ENOX1: variants seen among roughly 807,000 people sequenced by gnomAD.
The protein encoded by ENOX1 is candidate growth-related and time keeping constitutive hydroquinone (NADH) oxidase.
Under a neutral mutation model 82.5 loss-of-function variants are expected in ENOX1, and 42 were observed. The ratio of observed to expected loss-of-function variants is 0.51; its 90% confidence interval spans 0.40 to 0.66. The LOEUF is 0.66. ENOX1 is among the 30% of genes least tolerant of loss of function. ENOX1 has a pLI of 0.00. For synonymous variants in ENOX1, 271 were observed against 282.2 expected (o/e 0.96, Z 0.40); for missense variants, 608 against 811.6 (o/e 0.75, Z 3.05).
chr13:43,651,814 A>C (rs1272362513), intron 2 of ENOX1, among the ~76,000 whole-genome samples: 1 of 151,926 alleles, frequency 6.6e-6, no homozygotes, highest in Non-Finnish European at 1.5e-5. Context: ...ATCTCTACTA[A>C]AAATACAAAA....
intron 5 of ENOX1, among the ~76,000 whole-genome samples, chr13:43,392,764 T>C (rs2052873084): frequency 6.6e-6 from 1 of 152,244 alleles, no homozygotes; most frequent in African/African-American, 2.4e-5. Context: ...CAATATTTTC[T>C]ATATATTTTG....
intron 11 of ENOX1, among the ~76,000 whole-genome samples, chr13:43,300,915 A>T (rs966933080): frequency 1.3e-5 from 2 of 150,538 alleles, no homozygotes; most frequent in Non-Finnish European, 2.9e-5. Context: ...CATAACCCGC[A>T]GCATGAGCCA....
intron 2 of ENOX1, among the ~76,000 whole-genome samples, chr13:43,503,730 G>T (rs1246138278): frequency 2.6e-5 from 4 of 151,590 alleles, no homozygotes; most frequent in African/African-American, 9.7e-5. Context: ...GACTTAAATG[G>T]AAGACCCGAA....
At chr13:43,503,581 A>C (rs77688904) in intron 2 of ENOX1, among the ~76,000 whole-genome samples, 2,071 of 151,816 alleles carry the variant, frequency 0.014, 39 homozygotes, top group African/African-American at 0.046. Context: ...AAACCCAGGC[A>C]TGTAAGATCC....
intron 2 of ENOX1, among the ~76,000 whole-genome samples, chr13:43,510,820 T>A (rs749026200): frequency 6.6e-6 from 1 of 152,080 alleles, no homozygotes; most frequent in African/African-American, 2.4e-5. Flanking sequence ...GCCTAACTTA[T>A]AGGGTTGTGA....
chr13:43,556,724 CAA>C (rs747308301), intron 2 of ENOX1, among the ~76,000 whole-genome samples: 27 of 117,470 alleles, frequency 2.3e-4, no homozygotes, highest in African/African-American at 4.8e-4. Flanking sequence ...GTTCTATTCT[CAA>C]AAAAAAAAAA....
chr13:43,772,055 A>C (rs1951663272), intron 1 of ENOX1, among the ~76,000 whole-genome samples: 1 of 147,678 alleles, frequency 6.8e-6, no homozygotes, highest in Admixed American at 7.0e-5. Context: ...AAGTGCTGGG[A>C]TTACAGCATT....
intron 2 of ENOX1, among the ~76,000 whole-genome samples, chr13:43,576,462 A>G (rs974279951): frequency 3.3e-5 from 5 of 152,206 alleles, no homozygotes; most frequent in Non-Finnish European, 7.3e-5. Context: ...CAGACCTGTG[A>G]TGAGCAATAT....
intron 5 of ENOX1, among the ~76,000 whole-genome samples, chr13:43,370,896 C>G (rs1395217870): frequency 9.2e-6 from 1 of 108,322 alleles, no homozygotes; most frequent in Non-Finnish European, 2.5e-5. Flanking sequence ...CTTCTATATC[C>G]CCCCTGTCCC....
intron 1 of ENOX1, among the ~76,000 whole-genome samples, chr13:43,684,782 T>C (rs1205989672): frequency 6.6e-6 from 1 of 152,186 alleles, no homozygotes; most frequent in Non-Finnish European, 1.5e-5. Context: ...TTCTGCATAG[T>C]AGCCATAGTC....
intron 7 of ENOX1, among the ~76,000 whole-genome samples, chr13:43,358,138 T>C (rs2050265822): frequency 6.6e-6 from 1 of 152,216 alleles, no homozygotes; most frequent in Non-Finnish European, 1.5e-5. Flanking sequence ...AGGAGCACCT[T>C]TCATATGCCT....
rs149698059 is a variant in ENOX1 at position 43,408,694 on chromosome 13, T to C, written c.208+3222A>G. ...TCAGATATGTCATGTAAACATACCA[T>C]AGAACCATAAGAACTGAAACAATGT... On this transcript the variant is annotated intron_variant, in intron 5 of 16. Transcript: ENST00000690772. 5.2e-4 allele frequency among the ~76,000 whole-genome samples: 79 copies of C among 152,190 alleles called. 1 individual carries two copies. Among genetic ancestry groups the C allele is most frequent in the Non-Finnish European group, 9.6e-4 (65 of 68,000 alleles).
At chr13:43,584,761 T>C (rs897790976) in intron 2 of ENOX1, among the ~76,000 whole-genome samples, 1 of 152,202 alleles carries the variant, frequency 6.6e-6, no homozygotes, top group Admixed American at 6.5e-5. Flanking sequence ...ACTTTGCTTG[T>C]AGGCTAATCT....
At chr13:43,375,284 G>C (rs1015828205) in intron 5 of ENOX1, among the ~76,000 whole-genome samples, 6 of 152,124 alleles carry the variant, frequency 3.9e-5, no homozygotes, top group African/African-American at 1.4e-4. Flanking sequence ...GAGAGAGAGA[G>C]ATAGTGTCTA....
At chr13:43,492,123 C>T (rs1376951124) in intron 2 of ENOX1, among the ~76,000 whole-genome samples, 1 of 152,178 alleles carries the variant, frequency 6.6e-6, no homozygotes, top group African/African-American at 2.4e-5. Context: ...ATGGCGAGGC[C>T]CATTTGGAAA....
intron 1 of ENOX1, among the ~76,000 whole-genome samples, chr13:43,716,419 C>G (rs1317332355): frequency 1.3e-5 from 2 of 152,172 alleles, no homozygotes; most frequent in East Asian, 3.9e-4. Context: ...CTGCGTCGCT[C>G]ATGCTGGGAG....
chr13:43,249,086 G>A (rs927680812), intron 14 of ENOX1, among the ~76,000 whole-genome samples: 1 of 151,930 alleles, frequency 6.6e-6, no homozygotes, highest in Non-Finnish European at 1.5e-5. Flanking sequence ...TTAAATTGTG[G>A]TCTCAAGCTG....
intron 2 of ENOX1, among the ~76,000 whole-genome samples, chr13:43,630,904 C>T (rs2153750775): frequency 6.8e-6 from 1 of 146,886 alleles, no homozygotes; most frequent in East Asian, 2.1e-4. Context: ...TACACGCATA[C>T]ATACGTGTGC....
At chr13:43,621,827 A>G (rs893934099) in intron 2 of ENOX1, among the ~76,000 whole-genome samples, 2 of 152,126 alleles carry the variant, frequency 1.3e-5, no homozygotes, top group African/African-American at 4.8e-5. Flanking sequence ...AGTCTTCTTC[A>G]ATTATTCCCC....
Sources: gnomAD v4.1 joint callset for allele counts (sites outside exome capture counted in the v4.1 genomes callset) on GRCh38, gnomAD v4.1.1 for gene constraint, MANE v1.5 for transcripts, NCBI Gene and HGNC (gene_info 2026-07-23, HGNC 2026-07-21) for gene names.